Variants in NAA15 observed in about 807,000 individuals in gnomAD.
The protein encoded by NAA15 is N-terminal acetyltransferase.
A neutral mutation model predicts 114.0 loss-of-function variants in NAA15; 34 were observed. The ratio of observed to expected loss-of-function variants is 0.30; its 90% confidence interval spans 0.23 to 0.40. NAA15 has a LOEUF of 0.40. Ranked by LOEUF, NAA15 falls within the 10% of genes least tolerant of loss-of-function variation. The probability of loss-of-function intolerance (pLI) is 1.00; values close to 1 mark genes in which losing one functional copy is unlikely to be tolerated. For synonymous variants in NAA15, 340 were observed against 338.0 expected (o/e 1.01, Z -0.06); for missense variants, 658 against 1,004.5 (o/e 0.66, Z 4.66).
intron 15 of NAA15, 71 bp downstream of exon 15, chr4:139,370,475 T>A: frequency 7.0e-7 from 1 of 1,428,142 alleles, no homozygotes. Flanking sequence ...TTATACTGTC[T>A]TATTTGACAG....
At position 139,388,937 on chromosome 4, in the gene NAA15, A is replaced by T. The variant is rs1405600679; in HGVS notation, c.*853A>T. 6.6e-6 allele frequency: 1 copy of T among 152,578 alleles called. No homozygotes were observed. Among genetic ancestry groups the T allele is most frequent in the Admixed American group, 6.6e-5 (1 of 15,260 alleles). 9.5% of individuals were successfully genotyped at this position (152,578 alleles called of 1,614,324 possible). A position where few individuals can be genotyped will look rare whatever the true frequency, so the allele number is the denominator to read the frequency against. On this transcript the variant is annotated 3_prime_UTR_variant, in exon 20 of 20. Coordinates refer to ENST00000296543, the MANE Select transcript of NAA15 (RefSeq NM_057175.5). Reference sequence around the variant, plus strand: ...TTTCACCCAAGAGTGAAAAAAGGAAAATCTACCATGGCTTGAAGTTAAAGA... The same window carrying T: ...TTTCACCCAAGAGTGAAAAAAGGAATATCTACCATGGCTTGAAGTTAAAGA...
chr4:139,386,562 G>T (rs1296061857), intron 19 of NAA15: 2 of 173,976 alleles, frequency 1.1e-5, no homozygotes, highest in South Asian at 1.2e-4. Flanking sequence ...AGGCGTTTTG[G>T]TTCATGGCCT....
At chr4:139,341,145 A>G in intron 4 of NAA15, 76 bp downstream of exon 4, 1 of 1,054,450 alleles carries the variant, frequency 9.5e-7, no homozygotes, top group Non-Finnish European at 1.3e-6. Flanking sequence ...CAGATACATA[A>G]ATTTTTTATT....
At chr4:139,317,573 A>G (rs1340177439) in intron 1 of NAA15, among the ~76,000 whole-genome samples, 1 of 152,200 alleles carries the variant, frequency 6.6e-6, no homozygotes, top group African/African-American at 2.4e-5. Flanking sequence ...GTGAGCCCAG[A>G]TCATGCCACT....
chr4:139,318,764 G>T (rs772423341), intron 1 of NAA15, among the ~76,000 whole-genome samples: 6 of 151,772 alleles, frequency 4.0e-5, no homozygotes, highest in Admixed American at 1.3e-4. Context: ...TGAGGCAAGA[G>T]AATTGCTTAA....
At chr4:139,320,023 G>A (rs1019425293) in intron 1 of NAA15, among the ~76,000 whole-genome samples, 1 of 152,158 alleles carries the variant, frequency 6.6e-6, no homozygotes. Context: ...GTTTCAGAGT[G>A]TTCACTATTG....
At chr4:139,325,651 T>A (rs1387881241) in intron 1 of NAA15, among the ~76,000 whole-genome samples, 4 of 152,130 alleles carry the variant, frequency 2.6e-5, no homozygotes, top group Admixed American at 2.6e-4. Flanking sequence ...GAATATCAAT[T>A]TTATTTATTT....
At position 139,385,283 on chromosome 4, in the gene NAA15, A is replaced by T. The variant is rs142015886; in HGVS notation, c.2302+305A>T. 8.4e-3 allele frequency among the ~76,000 whole-genome samples: 841 copies of T among 100,248 alleles called. 3 individuals carry two copies. Among genetic ancestry groups the T allele is most frequent in the Non-Finnish European group, 0.011 (496 of 45,754 alleles). The allele number at this position is 100,248 out of a possible 152,430, so 65.8% of individuals were successfully genotyped here. On this transcript the variant is annotated intron_variant, in intron 18 of 19. Coordinates refer to ENST00000296543, the MANE Select transcript of NAA15 (RefSeq NM_057175.5). ...AACAAAACCAAACATATATATATATAATATATATATATATATAATATATAT... is the reference window on the plus strand; with the variant it reads ...AACAAAACCAAACATATATATATATTATATATATATATATATAATATATAT...
At chr4:139,376,897 G>C (rs1748595899) in intron 16 of NAA15, among the ~76,000 whole-genome samples, 1 of 152,110 alleles carries the variant, frequency 6.6e-6, no homozygotes, top group South Asian at 2.1e-4. Flanking sequence ...ATTTCTAAAG[G>C]AAAAGATACA....
intron 1 of NAA15, among the ~76,000 whole-genome samples, chr4:139,315,582 T>C (rs751766588): frequency 1.3e-5 from 2 of 151,762 alleles, no homozygotes; most frequent in Non-Finnish European, 2.9e-5. Context: ...AAGCAGTACT[T>C]TTCTAAACTA....
At chr4:139,384,634 A>AG (rs921842371) in intron 17 of NAA15, among the ~76,000 whole-genome samples, 198 bp from the exon 18 acceptor site, 2 of 151,674 alleles carry the variant, frequency 1.3e-5, no homozygotes, top group Non-Finnish European at 2.9e-5. Context: ...GCACACCTGA[A>AG]GTCCCAGCTA....
intron 14 of NAA15, among the ~76,000 whole-genome samples, chr4:139,366,347 A>C (rs1484413158): frequency 6.6e-6 from 1 of 152,096 alleles, no homozygotes; most frequent in African/African-American, 2.4e-5. Flanking sequence ...CTTAGTTCTT[A>C]GTCTCTCCAT....
rs746490411 is a variant in NAA15 at position 139,352,662 on chromosome 4, C to CTTT, written c.1014+1071_1014+1073dup. 8.7e-3 allele frequency among the ~76,000 whole-genome samples: 901 copies of CTTT among 103,262 alleles called. 31 individuals are homozygous for CTTT. Among genetic ancestry groups the CTTT allele is most frequent in the East Asian group, 0.013 (49 of 3,718 alleles). The allele number at this position is 103,262 out of a possible 152,430, so 67.7% of individuals were successfully genotyped here. A position where few individuals can be genotyped will look rare whatever the true frequency, so the allele number is the denominator to read the frequency against. On this transcript the variant is annotated intron_variant, in intron 9 of 19. Coordinates refer to ENST00000296543, the MANE Select transcript of NAA15 (RefSeq NM_057175.5). ...TGCATAAATCACATCCATAAAATAT[C>CTTT]TTTTTTTTTTTTTTTTTTTTTTGAG...
At chr4:139,311,968 T>TA (rs112556793) in intron 1 of NAA15, among the ~76,000 whole-genome samples, 44 of 149,596 alleles carry the variant, frequency 2.9e-4, no homozygotes, top group Middle Eastern at 3.4e-3. Flanking sequence ...TCTATCTCTT[T>TA]AAAAAAAAAA....
intron 6 of NAA15, among the ~76,000 whole-genome samples, chr4:139,347,771 G>A (rs910849110): frequency 1.1e-4 from 17 of 152,160 alleles, no homozygotes; most frequent in Non-Finnish European, 1.9e-4. Context: ...GGTGGCTCAC[G>A]CCTGTAATCC....
At chr4:139,334,296 C>G (rs2110896074) in intron 2 of NAA15, 38 bp downstream of exon 2, 1 of 1,329,224 alleles carries the variant, frequency 7.5e-7, no homozygotes, top group Non-Finnish European at 1.0e-6. Context: ...ACATACCTGT[C>G]TGGCCTCTCT....
At position 139,359,799 on chromosome 4, in the gene NAA15, C is replaced by T. The variant is rs1378318342; in HGVS notation, c.1314C>T (p.Asp438=). ...GGATGGATGAGGCCCAGGCCTTGGA[C>T]ACAGCAGACAGATTTATCAACTCCA... The part of the protein sequence containing the change: ...ARWMDEAQAL[D]TADRFINSKC... The change falls in exon 12 of 20, where the codon GAC becomes GAT. Residue 438 remains aspartate (D), a synonymous_variant. Coordinates refer to ENST00000296543, the MANE Select transcript of NAA15 (RefSeq NM_057175.5). The T allele has an allele frequency of 4.4e-6, 7 of 1,608,108 alleles. No individual in the cohort carries two copies. Among genetic ancestry groups the T allele is most frequent in the Non-Finnish European group, 5.9e-6 (7 of 1,178,932 alleles).
At chr4:139,354,197 C>A in intron 10 of NAA15, 99 bp downstream of exon 10, 1 of 881,182 alleles carries the variant, frequency 1.1e-6, no homozygotes, top group Non-Finnish European at 1.8e-6. Flanking sequence ...AGGCAGTAAG[C>A]ACAGTGCATT....
intron 6 of NAA15, among the ~76,000 whole-genome samples, chr4:139,344,667 G>A (rs1452388297): frequency 6.6e-6 from 1 of 152,144 alleles, no homozygotes; most frequent in Non-Finnish European, 1.5e-5. Flanking sequence ...GACAGAGGAT[G>A]ACATTTCTTA....
Sources: allele counts gnomAD v4.1 joint callset (sites outside exome capture counted in the v4.1 genomes callset), GRCh38; gene constraint gnomAD v4.1.1; transcripts MANE v1.5; gene names NCBI Gene and HGNC (gene_info 2026-07-23, HGNC 2026-07-21).